The following CADPS2 variants were observed in gnomAD, a reference collection of about 807,000 sequenced individuals.
The protein encoded by CADPS2 is calcium-dependent secretion activator 2.
CADPS2 carries 93 observed loss-of-function variants against 172.5 expected under a neutral mutation model. That is an observed-to-expected ratio of 0.54 (90% CI 0.46 to 0.64). The LOEUF is 0.64. Among genes scored for constraint, CADPS2 ranks in the 30% least tolerant of loss-of-function variants. The probability of loss-of-function intolerance (pLI) is 0.00; values close to 1 mark genes in which losing one functional copy is unlikely to be tolerated. For missense variants in CADPS2, 1,420 were observed against 1,565.9 expected, an observed-to-expected ratio of 0.91 and a Z score of 1.57; for synonymous variants, 546 against 555.2, an observed-to-expected ratio of 0.98 and a Z score of 0.23.
intron 1 of CADPS2, among the ~76,000 whole-genome samples, chr7:122,795,951 C>G (rs1446566337): frequency 6.6e-6 from 1 of 152,070 alleles, no homozygotes; most frequent in African/African-American, 2.4e-5. Flanking sequence ...GATCCTATAT[C>G]TAGAAAACCC....
intron 1 of CADPS2, among the ~76,000 whole-genome samples, chr7:122,871,601 G>A (rs1003608402): frequency 1.3e-4 from 20 of 151,930 alleles, no homozygotes; most frequent in African/African-American, 3.1e-4. Context: ...TACAAAATAC[G>A]GTTTAGGAAT....
chr7:122,627,579 A>G (rs944610642), intron 4 of CADPS2, among the ~76,000 whole-genome samples: 1 of 152,092 alleles, frequency 6.6e-6, no homozygotes, highest in African/African-American at 2.4e-5. Flanking sequence ...TTATGAACAC[A>G]CCTTCTTCTC....
intron 8 of CADPS2, among the ~76,000 whole-genome samples, chr7:122,527,617 A>AGATAGAGTGTGTGTGTGT: frequency 1.2e-5 from 1 of 83,806 alleles, no homozygotes; most frequent in African/African-American, 4.1e-5. Flanking sequence ...AGAGAGAGAG[A>AGATAGAGTGTGTGTGTGT]GTGTGTGTGT....
intron 23 of CADPS2, among the ~76,000 whole-genome samples, chr7:122,388,245 T>C (rs1188474943): frequency 1.3e-5 from 2 of 151,940 alleles, no homozygotes; most frequent in Non-Finnish European, 2.9e-5. Context: ...ATACAGAACA[T>C]AACAGACCTT....
At chr7:122,379,240 T>C in intron 25 of CADPS2, 128 bp downstream of exon 25, 1 of 552,942 alleles carries the variant, frequency 1.8e-6, no homozygotes, top group Non-Finnish European at 3.0e-6. Flanking sequence ...TTTCTGAAAA[T>C]TCTAATTTTT....
At chr7:122,373,089 G>A (rs970151864) in intron 25 of CADPS2, among the ~76,000 whole-genome samples, 3 of 152,246 alleles carry the variant, frequency 2.0e-5, no homozygotes, top group African/African-American at 7.2e-5. Context: ...CAGTTACAGT[G>A]GCAGTTTCAC....
intron 25 of CADPS2, among the ~76,000 whole-genome samples, chr7:122,369,137 C>A (rs987106233): frequency 3.4e-4 from 31 of 92,166 alleles, no homozygotes; most frequent in Middle Eastern, 5.7e-3. Flanking sequence ...TCCCCCCCCC[C>A]CCCCCTTTTT....
chr7:122,677,354 A>G (rs1195260012), intron 2 of CADPS2, among the ~76,000 whole-genome samples: 5 of 152,180 alleles, frequency 3.3e-5, no homozygotes, highest in African/African-American at 4.8e-5. Flanking sequence ...CAGTGGGTAG[A>G]GGGAACACAG....
chr7:122,608,729 G>A (rs191325094), intron 6 of CADPS2, among the ~76,000 whole-genome samples: 4 of 152,212 alleles, frequency 2.6e-5, no homozygotes, highest in Admixed American at 2.6e-4. Context: ...CAGCACTATG[G>A]GATGAAGGAG....
intron 16 of CADPS2, among the ~76,000 whole-genome samples, chr7:122,440,812 G>C (rs767406900): frequency 6.6e-6 from 1 of 152,084 alleles, no homozygotes; most frequent in Admixed American, 6.6e-5. Context: ...TAAGAAATGG[G>C]AGTTGGCCAC....
chr7:122,692,115 G>A (rs969431772), intron 2 of CADPS2, among the ~76,000 whole-genome samples: 1 of 152,182 alleles, frequency 6.6e-6, no homozygotes, highest in Non-Finnish European at 1.5e-5. Context: ...CAGGCAATCT[G>A]TGAACTGGAA....
rs1458939003 is a variant in CADPS2 at position 122,820,721 on chromosome 7, G to A, written c.339+65278C>T. On this transcript the variant is annotated intron_variant, in intron 1 of 29. Transcript: ENST00000449022. ...ACTACAGGCGCCCGCTACCACGCCC[G>A]GCTAATTTTTTGTATTTTTAGTAGA... Among the ~76,000 whole-genome samples the A allele has an allele frequency of 1.2e-4, 16 of 133,526 alleles. 2 individuals are homozygous for A. Among genetic ancestry groups the A allele is most frequent in the Admixed American group, 5.4e-4 (7 of 12,940 alleles). The allele number at this position is 133,526 out of a possible 152,430, so 87.6% of individuals were successfully genotyped here. A position where few individuals can be genotyped will look rare whatever the true frequency, so the allele number is the denominator to read the frequency against.
chr7:122,541,721 AT>A (rs1034144658), intron 8 of CADPS2, among the ~76,000 whole-genome samples: 19 of 145,194 alleles, frequency 1.3e-4, no homozygotes, highest in African/African-American at 3.5e-4. Context: ...ATTTACATAT[AT>A]TCATATATAT....
chr7:122,553,660 T>A (rs1466535563), intron 8 of CADPS2, among the ~76,000 whole-genome samples: 2 of 152,126 alleles, frequency 1.3e-5, no homozygotes, highest in African/African-American at 2.4e-5. Flanking sequence ...ATTTTTTGAA[T>A]CATCAGTTCG....
intron 2 of CADPS2, among the ~76,000 whole-genome samples, chr7:122,683,170 A>G (rs892671276): frequency 6.6e-6 from 1 of 152,216 alleles, no homozygotes; most frequent in Non-Finnish European, 1.5e-5. Flanking sequence ...GGGATGGTGC[A>G]GGAAGAAGGT....
intron 1 of CADPS2, among the ~76,000 whole-genome samples, chr7:122,743,761 A>G (rs753229871): frequency 7.2e-5 from 11 of 152,234 alleles, no homozygotes; most frequent in Non-Finnish European, 1.2e-4. Flanking sequence ...CTAAAGGATC[A>G]GTACTATTTT....
chr7:122,664,064 CAAAA>C (rs541690772), intron 2 of CADPS2, among the ~76,000 whole-genome samples: 8 of 84,880 alleles, frequency 9.4e-5, no homozygotes, highest in African/African-American at 1.5e-4. Context: ...TGTTTATAAG[CAAAA>C]AAAAAAAAAA....
At chr7:122,611,374 T>A (rs2074270881) in intron 6 of CADPS2, among the ~76,000 whole-genome samples, 1 of 152,062 alleles carries the variant, frequency 6.6e-6, no homozygotes, top group Admixed American at 6.6e-5. Context: ...GAGGACATTA[T>A]TACTGACCTT....
intron 7 of CADPS2, among the ~76,000 whole-genome samples, chr7:122,572,148 T>C (rs1200312204): frequency 6.6e-6 from 1 of 152,184 alleles, no homozygotes; most frequent in Non-Finnish European, 1.5e-5. Context: ...GAAACAGCAC[T>C]AAATGACTGA....
Sources: gnomAD v4.1 joint callset for allele counts (sites outside exome capture counted in the v4.1 genomes callset) on GRCh38, gnomAD v4.1.1 for gene constraint, MANE v1.5 for transcripts, NCBI Gene and HGNC (gene_info 2026-07-23, HGNC 2026-07-21) for gene names.